Variants in RNF150 observed in about 807,000 individuals in gnomAD.
RNF150 encodes the protein ring finger protein 150.
In RNF150, 24 loss-of-function variants were observed where a neutral mutation model predicts 39.3. The ratio of observed to expected loss-of-function variants is 0.61; its 90% confidence interval spans 0.44 to 0.86. The LOEUF (loss-of-function observed/expected upper bound fraction) is 0.86, where lower values mean the gene tolerates loss of function less well. Ranked by LOEUF, RNF150 falls within the 40% of genes least tolerant of loss-of-function variation. The probability of loss-of-function intolerance (pLI) is 0.00; values close to 1 mark genes in which losing one functional copy is unlikely to be tolerated. For missense variants in RNF150, 502 were observed against 587.8 expected (o/e 0.85, Z 1.51); for synonymous variants, 255 against 227.3 (o/e 1.12, Z -1.10).
rs1477223205 is a variant in RNF150, at chr4:141,132,301, CCCCGCGCCCGCTGGGCCACTCA to C, written c.484+2_484+23del. ...ACCTCCGTCCCCGCCGGCTCCCCTC[CCCCGCGCCCGCTGGGCCACTCA>C]CCCGCGTGGGGCATGGTGATGGTCT... On this transcript the variant is annotated splice_donor_variant and splice_donor_5th_base_variant and intron_variant, in intron 1 of 6. Coordinates refer to ENST00000515673, the MANE Select transcript of RNF150 (RefSeq NM_020724.2). LOFTEE classifies it high-confidence loss of function. This position sits in a 1 kb window ranked among gnomAD's most constrained non-coding sequence, Gnocchi z 4.9. 1 of 1,557,952 alleles carries C rather than the reference CCCCGCGCCCGCTGGGCCACTCA, an allele frequency of 6.4e-7. No individual in the cohort carries two copies. The highest frequency in any genetic ancestry group is 8.7e-7 in the Non-Finnish European group (1 of 1,150,510).
At chr4:140,929,978 T>C (rs1287846710) in intron 4 of RNF150, among the ~76,000 whole-genome samples, 1 of 152,120 alleles carries the variant, frequency 6.6e-6, no homozygotes, top group Non-Finnish European at 1.5e-5. Context: ...CTGGCCACCG[T>C]GGCGAAACCC....
At chr4:141,091,258 G>A (rs2111008250) in intron 1 of RNF150, among the ~76,000 whole-genome samples, 1 of 152,308 alleles carries the variant, frequency 6.6e-6, no homozygotes, top group East Asian at 1.9e-4. Context: ...CTGATGTGAG[G>A]ATTAAATGAG....
intron 1 of RNF150, among the ~76,000 whole-genome samples, chr4:141,003,187 G>A (rs1734730977): frequency 6.6e-6 from 1 of 152,012 alleles, no homozygotes; most frequent in African/African-American, 2.4e-5. Flanking sequence ...AATTTTAAGA[G>A]GAAAGGGCCA....
chr4:141,002,108 G>C (rs891932974), intron 1 of RNF150, among the ~76,000 whole-genome samples: 2 of 152,052 alleles, frequency 1.3e-5, no homozygotes, highest in Non-Finnish European at 2.9e-5. Context: ...CCCAATTTAG[G>C]TTAGGGAAAT....
chr4:140,879,298 CA>C (rs1729288324), intron 6 of RNF150, among the ~76,000 whole-genome samples: 1 of 152,040 alleles, frequency 6.6e-6, no homozygotes, highest in Non-Finnish European at 1.5e-5. Context: ...ATAAAGATTC[CA>C]TTGAATTTAC....
chr4:141,187,256 G>A (rs1728028649), intron 1 of RNF150, among the ~76,000 whole-genome samples: 1 of 152,254 alleles, frequency 6.6e-6, no homozygotes, highest in Middle Eastern at 3.4e-3. Context: ...TTACTGAGGA[G>A]GGTTTTACTT....
intron 1 of RNF150, among the ~76,000 whole-genome samples, chr4:141,209,876 A>T (rs932873738): frequency 6.6e-6 from 1 of 152,142 alleles, no homozygotes; most frequent in African/African-American, 2.4e-5. Context: ...TTCTAATATT[A>T]TTTTAATGGC....
intron 6 of RNF150, among the ~76,000 whole-genome samples, chr4:140,889,589 G>A (rs1171095379): frequency 1.3e-5 from 2 of 152,038 alleles, no homozygotes; most frequent in African/African-American, 2.4e-5. Context: ...TTGGTGGGCG[G>A]AAAGAGAGAT....
intron 1 of RNF150, among the ~76,000 whole-genome samples, chr4:140,998,528 T>C (rs1472630127): frequency 6.6e-6 from 1 of 152,210 alleles, no homozygotes; most frequent in Non-Finnish European, 1.5e-5. Flanking sequence ...ACCCAGACTG[T>C]GGCATTTTGT....
chr4:140,945,890 C>G (rs901750171), intron 4 of RNF150, among the ~76,000 whole-genome samples: 1 of 151,884 alleles, frequency 6.6e-6, no homozygotes, highest in Middle Eastern at 3.2e-3. Context: ...AAGGAAAGCA[C>G]TTTGCTTATA....
At chr4:141,044,921 A>G (rs1412339687) in intron 1 of RNF150, among the ~76,000 whole-genome samples, 1 of 152,238 alleles carries the variant, frequency 6.6e-6, no homozygotes, top group Non-Finnish European at 1.5e-5. Context: ...TTAGTTTAAT[A>G]TATTAATGTT....
intron 2 of RNF150, among the ~76,000 whole-genome samples, chr4:140,964,240 A>G (rs1013152282): frequency 2.0e-5 from 3 of 152,114 alleles, no homozygotes; most frequent in South Asian, 2.1e-4. Flanking sequence ...TGCTGGTTCA[A>G]TTGCTGGCTC....
At chr4:140,877,342 C>T (rs1240217920) in intron 6 of RNF150, among the ~76,000 whole-genome samples, 1 of 152,072 alleles carries the variant, frequency 6.6e-6, no homozygotes, top group Non-Finnish European at 1.5e-5. Context: ...CCAATTAGTA[C>T]CACCTATTGA....
intron 4 of RNF150, among the ~76,000 whole-genome samples, chr4:140,934,209 C>T (rs1731752000): frequency 6.6e-6 from 1 of 152,132 alleles, no homozygotes; most frequent in African/African-American, 2.4e-5. Context: ...AGGGTTTTGC[C>T]ATGTTGGCCA....
intron 1 of RNF150, among the ~76,000 whole-genome samples, chr4:141,209,721 AAGT>A (rs2111228882): frequency 6.6e-6 from 1 of 152,222 alleles, no homozygotes; most frequent in South Asian, 2.1e-4. Flanking sequence ...TAGTAATAGA[AAGT>A]AACACTTTTA....
At chr4:141,022,985 C>A (rs1178631940) in intron 1 of RNF150, among the ~76,000 whole-genome samples, 1 of 152,172 alleles carries the variant, frequency 6.6e-6, no homozygotes, top group East Asian at 1.9e-4. Flanking sequence ...GTGTAAGAAT[C>A]TGATCCTTAG....
intron 4 of RNF150, chr4:140,944,847 A>T (rs1464003736): frequency 6.6e-6 from 1 of 152,162 alleles, no homozygotes; most frequent in Non-Finnish European, 1.5e-5. Context: ...TGAAGTTCAT[A>T]GGAGCAAAGG....
At chr4:141,009,383 C>T (rs1251857207) in intron 1 of RNF150, among the ~76,000 whole-genome samples, 2 of 152,226 alleles carry the variant, frequency 1.3e-5, no homozygotes, top group Non-Finnish European at 2.9e-5. Flanking sequence ...TATTCCAGCA[C>T]TACCTTACTG....
intron 1 of RNF150, among the ~76,000 whole-genome samples, chr4:140,973,989 A>G (rs964429616): frequency 1.3e-5 from 2 of 152,254 alleles, no homozygotes; most frequent in South Asian, 2.1e-4. Flanking sequence ...TGCATTATCA[A>G]AACAGGAAAT....
Sources: allele counts gnomAD v4.1 joint callset (sites outside exome capture counted in the v4.1 genomes callset), GRCh38; gene constraint gnomAD v4.1.1; non-coding constraint Gnocchi (gnomAD v3.1); transcripts MANE v1.5; gene names NCBI Gene and HGNC (gene_info 2026-07-23, HGNC 2026-07-21).